Variants in PDE11A observed in about 807,000 individuals in gnomAD.
PDE11A encodes the protein phosphodiesterase 11A.
A neutral mutation model predicts 100.5 loss-of-function variants in PDE11A; 100 were observed. The observed-to-expected ratio is 1.00, with a 90% CI of 0.85 to 1.18. The LOEUF (loss-of-function observed/expected upper bound fraction) is 1.18. Ranked by LOEUF, PDE11A falls within the 50% of genes most tolerant of loss-of-function variation. The pLI, the probability that PDE11A is intolerant of heterozygous loss-of-function variation, is 0.00. For synonymous variants in PDE11A, 381 were observed against 420.8 expected, an observed-to-expected ratio of 0.91 and a Z score of 1.16; for missense variants, 1,141 against 1,152.6, an observed-to-expected ratio of 0.99 and a Z score of 0.15.
intron 5 of PDE11A, among the ~76,000 whole-genome samples, chr2:177,870,802 C>T (rs1014902380): frequency 3.3e-5 from 5 of 152,122 alleles, no homozygotes; most frequent in Non-Finnish European, 5.9e-5. Flanking sequence ...CATAGTAAAA[C>T]TCAAAAATAG....
At chr2:177,816,449 T>C (rs1291920228) in intron 9 of PDE11A, among the ~76,000 whole-genome samples, 1 of 126,164 alleles carries the variant, frequency 7.9e-6, no homozygotes, top group Non-Finnish European at 1.6e-5. Context: ...CATATATCCT[T>C]GTAGTGAATT....
At chr2:178,084,764 T>G (rs79047989) in intron 2 of PDE11A, among the ~76,000 whole-genome samples, 1 of 151,688 alleles carries the variant, frequency 6.6e-6, no homozygotes, top group Non-Finnish European at 1.5e-5. Context: ...TTTTTTTTTT[T>G]GCAATTATTT....
intron 19 of PDE11A, among the ~76,000 whole-genome samples, chr2:177,645,371 CT>C (rs61702288): frequency 0.039 from 5,942 of 151,874 alleles, 389 homozygotes; most frequent in African/African-American, 0.14. Flanking sequence ...TATATATAAT[CT>C]TTTTAGTAGA....
chr2:177,844,435 C>T (rs184290206), intron 5 of PDE11A, among the ~76,000 whole-genome samples: 5 of 152,120 alleles, frequency 3.3e-5, no homozygotes, highest in East Asian at 3.9e-4. Flanking sequence ...TGGGTTTCAA[C>T]GTATGAATTT....
At chr2:177,829,956 C>T (rs187796683) in intron 6 of PDE11A, among the ~76,000 whole-genome samples, 104 of 152,200 alleles carry the variant, frequency 6.8e-4, no homozygotes, top group Non-Finnish European at 1.2e-3. Flanking sequence ...TAAGCCACTC[C>T]GGACATGAGG....
At chr2:177,739,861 G>A (rs1297185367) in intron 10 of PDE11A, among the ~76,000 whole-genome samples, 1 of 152,124 alleles carries the variant, frequency 6.6e-6, no homozygotes, top group African/African-American at 2.4e-5. Flanking sequence ...CTACTCTTAG[G>A]GCTGAATAAA....
intron 10 of PDE11A, among the ~76,000 whole-genome samples, chr2:177,763,343 A>T (rs2082195348): frequency 6.6e-6 from 1 of 152,228 alleles, no homozygotes; most frequent in Non-Finnish European, 1.5e-5. Context: ...AGGCTAGGTA[A>T]CGAATTCCTT....
chr2:177,864,489 A>T (rs1170686557), intron 5 of PDE11A, among the ~76,000 whole-genome samples: 1 of 152,346 alleles, frequency 6.6e-6, no homozygotes, highest in African/African-American at 2.4e-5. Flanking sequence ...AAACTTATTT[A>T]AAAAAGAATT....
chr2:177,885,033 G>A (rs963992877), intron 4 of PDE11A, among the ~76,000 whole-genome samples: 1 of 152,026 alleles, frequency 6.6e-6, no homozygotes, highest in African/African-American at 2.4e-5. Flanking sequence ...ATGGACAGTG[G>A]GGTTAGGGGT....
intron 2 of PDE11A, among the ~76,000 whole-genome samples, chr2:177,964,056 T>G (rs893497705): frequency 9.2e-5 from 14 of 152,334 alleles, no homozygotes; most frequent in African/African-American, 2.9e-4. Flanking sequence ...TTACTGTATA[T>G]TATTTAATTT....
At chr2:177,944,425 T>G (rs1034176718) in intron 2 of PDE11A, among the ~76,000 whole-genome samples, 1 of 152,212 alleles carries the variant, frequency 6.6e-6, no homozygotes, top group Non-Finnish European at 1.5e-5. Flanking sequence ...TTGCAACAGA[T>G]AGGGTGCCCT....
intron 1 of PDE11A, among the ~76,000 whole-genome samples, chr2:178,051,805 A>G (rs1179309392): frequency 1.3e-5 from 2 of 152,224 alleles, no homozygotes; most frequent in African/African-American, 4.8e-5. Context: ...TTCAACAAGA[A>G]GAGCTAACTA....
At chr2:177,895,242 C>T (rs1004827621) in intron 4 of PDE11A, among the ~76,000 whole-genome samples, 1 of 151,908 alleles carries the variant, frequency 6.6e-6, no homozygotes, top group Admixed American at 6.6e-5. Context: ...GTAACAGAAA[C>T]AATTATCCAT....
chr2:177,852,508 G>A (rs533778261), intron 5 of PDE11A, among the ~76,000 whole-genome samples: 17 of 152,232 alleles, frequency 1.1e-4, no homozygotes, highest in African/African-American at 4.1e-4. Flanking sequence ...AGCTCAGCCT[G>A]TCTATCCCTG....
At position 178,014,355 on chromosome 2, in the gene PDE11A, G is replaced by A; in HGVS notation, c.1018C>T (p.Gln340Ter). Residue 340 changes from glutamine to a stop codon, truncating the protein, a stop_gained, in exon 2 of 20, where the codon CAA (glutamine) becomes TAA (stop). Transcript: ENST00000286063. LOFTEE classifies it high-confidence loss of function. ...CCTTCAGGAATCTTATTTATCGCTTGGGCCACACCAATAATCTCACCATCA... is the reference window on the plus strand; with the variant it reads ...CCTTCAGGAATCTTATTTATCGCTTAGGCCACACCAATAATCTCACCATCA... ...SSDGEIIGVA[Q>*]AINKIPEGAP... 11 of 1,612,652 alleles carry A rather than the reference G, an allele frequency of 6.8e-6. No individual in the cohort carries two copies. The highest frequency in any genetic ancestry group is 9.3e-6 in the Non-Finnish European group (11 of 1,178,740).
At chr2:177,936,946 C>A in intron 2 of PDE11A, among the ~76,000 whole-genome samples, 1 of 151,858 alleles carries the variant, frequency 6.6e-6, no homozygotes, top group East Asian at 1.9e-4. Context: ...TTAAGGGATA[C>A]TTTTATTAAA....
intron 2 of PDE11A, among the ~76,000 whole-genome samples, chr2:177,929,444 T>C (rs1378757174): frequency 6.6e-6 from 1 of 152,202 alleles, no homozygotes; most frequent in Non-Finnish European, 1.5e-5. Flanking sequence ...AAGACTACTA[T>C]ACTCTGAGTA....
chr2:177,638,393 C>T (rs1289101937), intron 19 of PDE11A, among the ~76,000 whole-genome samples: 2 of 152,042 alleles, frequency 1.3e-5, no homozygotes, highest in Non-Finnish European at 1.5e-5. Flanking sequence ...TAATCATGCT[C>T]AATCTTTCCT....
At chr2:177,832,980 G>C (rs575388824) in intron 6 of PDE11A, among the ~76,000 whole-genome samples, 3 of 152,206 alleles carry the variant, frequency 2.0e-5, no homozygotes, top group Admixed American at 2.0e-4. Context: ...TCCTCCAAGT[G>C]TACTTTACTT....
Sources: gnomAD v4.1 joint callset for allele counts (sites outside exome capture counted in the v4.1 genomes callset) on GRCh38, gnomAD v4.1.1 for gene constraint, MANE v1.5 for transcripts, NCBI Gene and HGNC (gene_info 2026-07-23, HGNC 2026-07-21) for gene names.